The following SMC1A variants were observed in gnomAD, a reference collection of about 807,000 sequenced individuals.
The protein encoded by SMC1A is structural maintenance of chromosomes protein 1A.
In SMC1A, 4 loss-of-function variants were observed where a neutral mutation model predicts 94.5. The observed-to-expected ratio is 0.04, with a 90% CI of 0.02 to 0.10. The LOEUF (loss-of-function observed/expected upper bound fraction) is 0.10. SMC1A is among the 10% of genes least tolerant of loss of function. SMC1A has a pLI of 1.00. For synonymous variants in SMC1A, 345 were observed against 347.7 expected (o/e 0.99, Z 0.09); for missense variants, 304 against 989.0 (o/e 0.31, Z 9.29).
At chrX:53,412,388 C>A in intron 5 of SMC1A, 135 bp from the exon 6 acceptor site, 1 of 613,700 alleles carries the variant, frequency 1.6e-6, no homozygotes, top group South Asian at 2.8e-5. Flanking sequence ...GGCGTAATGC[C>A]CCACAGATCC....
intron 19 of SMC1A, among the ~76,000 whole-genome samples, chrX:53,390,995 AAAGAAAAAGAAAAAAAAAAAAAAAG>A (rs1556887184): frequency 4.1e-5 from 4 of 98,547 alleles, no homozygotes; most frequent in Non-Finnish European, 4.1e-5. Context: ...AAAAAAAAAA[AAAGAAAAAGAAAAAAAAAAAAAAAG>A]AAGAAAAATG....
intron 23 of SMC1A, 135 bp from the exon 24 acceptor site, chrX:53,380,865 A>G (rs2075579633): frequency 1.6e-6 from 1 of 619,390 alleles, no homozygotes; most frequent in Non-Finnish European, 2.7e-6. Flanking sequence ...AGAGGAGACT[A>G]CTGACTACCA....
Position 53,375,210 on chromosome X carries a change from C to G in SMC1A, c.*4893G>C, listed in dbSNP as rs369673179. 1 of 112,245 alleles carries G rather than the reference C, an allele frequency of 8.9e-6. No homozygotes were observed. Among genetic ancestry groups the G allele is most frequent in the Non-Finnish European group, 1.9e-5 (1 of 53,258 alleles). The allele number at this position is 112,245 out of a possible 1,213,427, so 9.3% of individuals were successfully genotyped here. A position where few individuals can be genotyped will look rare whatever the true frequency, so the allele number is the denominator to read the frequency against. On this transcript the variant is annotated 3_prime_UTR_variant, in exon 25 of 25. Coordinates refer to ENST00000322213, the MANE Select transcript of SMC1A (RefSeq NM_006306.4). ...TGGCAACCATCTTGTTTGACCTGTCCAATACATTGACCTTCAAGGTTCAAC... is the reference window on the plus strand; with the variant it reads ...TGGCAACCATCTTGTTTGACCTGTCGAATACATTGACCTTCAAGGTTCAAC...
chrX:53,384,201 G>A (rs781997784), intron 19 of SMC1A, among the ~76,000 whole-genome samples: 2 of 110,274 alleles, frequency 1.8e-5, no homozygotes, highest in Non-Finnish European at 3.8e-5. Context: ...CCAGGAATAT[G>A]TTTAAGCTAA....
intron 7 of SMC1A, among the ~76,000 whole-genome samples, chrX:53,409,900 ACATT>A (rs1438050031): frequency 1.3e-4 from 15 of 112,311 alleles, no homozygotes; most frequent in Non-Finnish European, 2.8e-4. Context: ...AATGACTATC[ACATT>A]ATTTTTAAAA....
In SMC1A at chrX:53,405,678, G is replaced by A. The variant is rs1556889600; in HGVS notation, c.1732-6C>T. On this transcript the variant is annotated splice_polypyrimidine_tract_variant and splice_region_variant and intron_variant, in intron 10 of 24. Coordinates refer to ENST00000322213, the MANE Select transcript of SMC1A (RefSeq NM_006306.4). ...TTCTCATCTGTAGGCTTCACCTGTGGGGAGAAGCTCAGTCAGTGGCAGAAC... is the reference window on the plus strand; with the variant it reads ...TTCTCATCTGTAGGCTTCACCTGTGAGGAGAAGCTCAGTCAGTGGCAGAAC... 2.5e-6 allele frequency: 3 copies of A among 1,211,164 alleles called. No individual in the cohort carries two copies. Among genetic ancestry groups the A allele is most frequent in the Non-Finnish European group, 3.4e-6 (3 of 894,951 alleles).
In SMC1A at chrX:53,413,034, C is replaced by T. The variant is rs375306951; in HGVS notation, c.720G>A (p.Lys240=). ...TCTCCTTGTTCTTTGAGGCCAGTTC[C>T]TTGTTGAGCTTCTCAATTTCCACTT... ...HNEVEIEKLN[K]ELASKNKEIE... Residue 240 remains lysine (K), a synonymous_variant, in exon 5 of 25, where the codon AAG becomes AAA. Coordinates refer to ENST00000322213, the MANE Select transcript of SMC1A (RefSeq NM_006306.4). The T allele has an allele frequency of 1.7e-6, 2 of 1,209,665 alleles. No individual in the cohort carries two copies. Among genetic ancestry groups the T allele is most frequent in the African/African-American group, 3.5e-5 (2 of 57,108 alleles).
intron 20 of SMC1A, 96 bp downstream of exon 20, chrX:53,383,001 T>C: frequency 1.1e-6 from 1 of 873,010 alleles, no homozygotes; most frequent in Non-Finnish European, 1.7e-6. Flanking sequence ...TAAGAAAACA[T>C]GTCAGAACAG....
chrX:53,376,199 A>T lies in SMC1A; in HGVS notation c.*3904T>A, dbSNP rs1436435847. On this transcript the variant is annotated 3_prime_UTR_variant, in exon 25 of 25. Transcript: ENST00000322213. ...CACATACAGCATGAACATCTAACCTAATCTGTTTTCCATGCTGGTTGGCTA... is the reference window on the plus strand; with the variant it reads ...CACATACAGCATGAACATCTAACCTTATCTGTTTTCCATGCTGGTTGGCTA... The T allele has an allele frequency of 8.9e-6, 1 of 111,943 alleles. No homozygotes were observed. The highest frequency in any genetic ancestry group is 9.5e-5 in the Admixed American group (1 of 10,582). 9.2% of individuals were successfully genotyped at this position (111,943 alleles called of 1,213,427 possible).
chrX:53,421,554 G>A (rs1569361154), intron 1 of SMC1A, among the ~76,000 whole-genome samples: 1 of 111,647 alleles, frequency 9.0e-6, no homozygotes, highest in Non-Finnish European at 1.9e-5. Flanking sequence ...AGGAATCCAC[G>A]GTGTATCGTT....
intron 24 of SMC1A, among the ~76,000 whole-genome samples, 173 bp from the exon 25 acceptor site, chrX:53,380,359 C>T (rs1226815282): frequency 9.0e-6 from 1 of 111,579 alleles, no homozygotes; most frequent in Non-Finnish European, 1.9e-5. Context: ...GCCTTCGCTC[C>T]TTGCCTACTT....
rs190508250 is a variant in SMC1A, at chrX:53,382,685, C to T, written c.3131-25G>A. The T allele has an allele frequency of 1.8e-4, 213 of 1,207,162 alleles. 1 individual carries two copies. In the Admixed American group the frequency reaches 4.6e-3, roughly 26 times the overall value. ...TCTGCCAGAAAGAAAGACAGGAGAC[C>T]CCTCAGTGCCCTGGCAAGAAGGACC... On this transcript the variant is annotated intron_variant, in intron 20 of 24. Coordinates refer to ENST00000322213, the MANE Select transcript of SMC1A (RefSeq NM_006306.4).
chrX:53,382,793 G>T, intron 20 of SMC1A, 133 bp from the exon 21 acceptor site: 1 of 784,384 alleles, frequency 1.3e-6, no homozygotes, highest in Non-Finnish European at 1.9e-6. Flanking sequence ...TGTATCCAGT[G>T]GACTGGCCAC....
At position 53,410,469 on chromosome X, in the gene SMC1A, T is replaced by G. The variant is rs1254264761; in HGVS notation, c.1255-966A>C. ...TTAGCCAGGTGTGGTGGCACCCACC[T>G]GTCATCCCACCTACACGGGTGGCTG... On this transcript the variant is annotated intron_variant, in intron 7 of 24. Coordinates refer to ENST00000322213, the MANE Select transcript of SMC1A (RefSeq NM_006306.4). Among the ~76,000 whole-genome samples the G allele has an allele frequency of 2.7e-5, 3 of 110,110 alleles. No individual in the cohort carries two copies. In the East Asian group the frequency reaches 8.6e-4, roughly 32 times the overall value.
intron 15 of SMC1A, among the ~76,000 whole-genome samples, chrX:53,403,171 C>CAAA (rs59213412): frequency 6.7e-4 from 20 of 30,048 alleles, no homozygotes; most frequent in Non-Finnish European, 9.2e-4. Flanking sequence ...GATCCTGTGT[C>CAAA]AAAAAAAAAA....
chrX:53,410,307 G>C (rs1216039440), intron 7 of SMC1A, among the ~76,000 whole-genome samples: 1 of 110,728 alleles, frequency 9.0e-6, no homozygotes, highest in African/African-American at 3.3e-5. Context: ...GACCAGCCTG[G>C]GCAACAAGCA....
At chrX:53,415,226 A>C in intron 1 of SMC1A, 57 bp from the exon 2 acceptor site, 5 of 1,014,033 alleles carry the variant, frequency 4.9e-6, no homozygotes, top group Non-Finnish European at 6.9e-6. Context: ...GGAGAGGAAA[A>C]GGAATAAAGA....
In SMC1A at chrX:53,380,908, G is replaced by A. The variant is rs1373851164; in HGVS notation, c.3507+110C>T. ...GATGACTCTGGGCCCAGCCTCCCAGGCACAGAGAGCAGGCAGCAGGAACGG... is the reference window on the plus strand; with the variant it reads ...GATGACTCTGGGCCCAGCCTCCCAGACACAGAGAGCAGGCAGCAGGAACGG... On this transcript the variant is annotated intron_variant, in intron 23 of 24. Coordinates refer to ENST00000322213, the MANE Select transcript of SMC1A (RefSeq NM_006306.4). 4.2e-6 allele frequency: 3 copies of A among 722,174 alleles called. No individual in the cohort carries two copies. The African/African-American group carries it at 6.3e-5, about 15-fold the overall frequency. The allele number at this position is 722,174 out of a possible 1,213,427, so 59.5% of individuals were successfully genotyped here.
rs145344165 is a variant in SMC1A, at chrX:53,415,096, C to T, written c.183G>A (p.Leu61=). 5.8e-6 allele frequency: 7 copies of T among 1,211,505 alleles called. No homozygotes were observed. Among genetic ancestry groups the T allele is most frequent in the Non-Finnish European group, 7.8e-6 (7 of 895,309 alleles). The change falls in exon 2 of 25, where the codon CTG becomes CTA. Residue 61 remains leucine, a synonymous_variant. Coordinates refer to ENST00000322213, the MANE Select transcript of SMC1A (RefSeq NM_006306.4). ...CAGGAGCTCCATGGATCAGGTCCCGCAGGGTCTTTACCCGCAGGTTGCTGG... is the reference window on the plus strand; with the variant it reads ...CAGGAGCTCCATGGATCAGGTCCCGTAGGGTCTTTACCCGCAGGTTGCTGG... The part of the protein sequence containing the change: ...EKTSNLRVKT[L]RDLIHGAPVG...
Sources: gnomAD v4.1 joint callset for allele counts (sites outside exome capture counted in the v4.1 genomes callset) on GRCh38, gnomAD v4.1.1 for gene constraint, MANE v1.5 for transcripts, NCBI Gene and HGNC (gene_info 2026-07-23, HGNC 2026-07-21) for gene names.